Variants in BMPR1B observed in about 807,000 individuals in gnomAD.
BMPR1B encodes bone morphogenetic protein receptor type 1B.
A neutral mutation model predicts 59.1 loss-of-function variants in BMPR1B; 12 were observed. That is an observed-to-expected ratio of 0.20 (90% CI 0.13 to 0.33). The LOEUF is 0.33. BMPR1B is among the 10% of genes least tolerant of loss of function. The pLI is 1.00. For missense variants in BMPR1B, 550 were observed against 610.9 expected (o/e 0.90, Z 1.05); for synonymous variants, 237 against 207.3 (o/e 1.14, Z -1.23).
chr4:95,033,481 A>C (rs1230712345), intron 3 of BMPR1B, among the ~76,000 whole-genome samples: 1 of 152,110 alleles, frequency 6.6e-6, no homozygotes, highest in African/African-American at 2.4e-5. Flanking sequence ...GGTATAAGAT[A>C]AGTCTCCAAC....
intron 12 of BMPR1B, among the ~76,000 whole-genome samples, chr4:95,154,138 A>T (rs1387377923): frequency 6.6e-6 from 1 of 152,196 alleles, no homozygotes; most frequent in Admixed American, 6.5e-5. Flanking sequence ...GTGCAGTGTG[A>T]TGCTATTACT....
chr4:94,988,032 G>T (rs1470257956), intron 2 of BMPR1B, among the ~76,000 whole-genome samples: 1 of 152,084 alleles, frequency 6.6e-6, no homozygotes, highest in Non-Finnish European at 1.5e-5. Context: ...TGGAGTAATT[G>T]TAGAAATTTT....
intron 10 of BMPR1B, among the ~76,000 whole-genome samples, chr4:95,133,849 C>T (rs1176432153): frequency 6.6e-6 from 1 of 151,012 alleles, no homozygotes; most frequent in Admixed American, 6.6e-5. Flanking sequence ...GGATTATAGG[C>T]ATGAGCCACC....
intron 1 of BMPR1B, among the ~76,000 whole-genome samples, chr4:94,775,300 C>T (rs1722326629): frequency 1.3e-5 from 2 of 152,146 alleles, no homozygotes; most frequent in African/African-American, 4.8e-5. Context: ...ATGAGATTCT[C>T]CTACTAAAAC....
At chr4:94,869,140 A>T (rs1016959165) in intron 1 of BMPR1B, among the ~76,000 whole-genome samples, 3 of 136,902 alleles carry the variant, frequency 2.2e-5, no homozygotes, top group Non-Finnish European at 4.7e-5. Context: ...ACACACACAC[A>T]CACTTTGCTT....
At chr4:94,831,198 G>C (rs941638270) in intron 1 of BMPR1B, among the ~76,000 whole-genome samples, 1 of 119,966 alleles carries the variant, frequency 8.3e-6, no homozygotes, top group Non-Finnish European at 1.8e-5. Context: ...GCTAATGTGT[G>C]TGTGTCCTCG....
At chr4:94,961,797 CTTTTTA>C (rs1230207067) in intron 2 of BMPR1B, among the ~76,000 whole-genome samples, 3 of 152,012 alleles carry the variant, frequency 2.0e-5, no homozygotes, top group East Asian at 1.9e-4. Flanking sequence ...TACTTTAAAA[CTTTTTA>C]TTTTTAATTT....
At chr4:95,013,705 A>G (rs1390305800) in intron 3 of BMPR1B, among the ~76,000 whole-genome samples, 1 of 152,150 alleles carries the variant, frequency 6.6e-6, no homozygotes, top group African/African-American at 2.4e-5. Context: ...AATTGTTTGA[A>G]GTCATCAACC....
At chr4:94,965,756 A>G (rs1730531320) in intron 2 of BMPR1B, among the ~76,000 whole-genome samples, 1 of 147,260 alleles carries the variant, frequency 6.8e-6, no homozygotes, top group African/African-American at 2.7e-5. Context: ...TTAGACTGAA[A>G]GAGTAAATTG....
intron 1 of BMPR1B, among the ~76,000 whole-genome samples, chr4:94,773,146 G>T (rs759997818): frequency 2.0e-5 from 3 of 152,168 alleles, no homozygotes; most frequent in Non-Finnish European, 4.4e-5. Context: ...AAGTCAAGTA[G>T]TATGTTGAAA....
intron 1 of BMPR1B, among the ~76,000 whole-genome samples, chr4:94,812,178 C>T (rs1425515490): frequency 6.8e-6 from 1 of 147,722 alleles, no homozygotes; most frequent in East Asian, 2.0e-4. Flanking sequence ...AGTACCTAGT[C>T]CTCCAAAATT....
chr4:95,047,509 C>T (rs779639040), intron 3 of BMPR1B, among the ~76,000 whole-genome samples: 2 of 151,778 alleles, frequency 1.3e-5, no homozygotes, highest in Non-Finnish European at 2.9e-5. Context: ...ATCAGGGGTA[C>T]CTGCTATCAG....
intron 1 of BMPR1B, among the ~76,000 whole-genome samples, chr4:94,810,905 G>T (rs572313788): frequency 6.6e-6 from 1 of 152,196 alleles, no homozygotes. Context: ...ATGTGTGCGT[G>T]TGTGCATGTG....
At chr4:94,834,310 A>G (rs1202111318) in intron 1 of BMPR1B, among the ~76,000 whole-genome samples, 1 of 152,148 alleles carries the variant, frequency 6.6e-6, no homozygotes, top group Non-Finnish European at 1.5e-5. Flanking sequence ...GTTTGAGGGT[A>G]CAGATCACTT....
intron 2 of BMPR1B, among the ~76,000 whole-genome samples, chr4:94,911,317 A>G (rs1728264829): frequency 1.3e-5 from 2 of 152,296 alleles, no homozygotes; most frequent in East Asian, 3.9e-4. Context: ...AACTTTATCT[A>G]GAAGTCAATG....
chr4:94,921,438 C>T (rs967811124), intron 2 of BMPR1B, among the ~76,000 whole-genome samples: 1 of 152,028 alleles, frequency 6.6e-6, no homozygotes, highest in African/African-American at 2.4e-5. Flanking sequence ...GTAGCTCCAG[C>T]ATCTGCTTGG....
At chr4:94,944,154 A>G (rs1056751994) in intron 2 of BMPR1B, among the ~76,000 whole-genome samples, 1 of 152,138 alleles carries the variant, frequency 6.6e-6, no homozygotes, top group Admixed American at 6.5e-5. Flanking sequence ...CAACCCCAAG[A>G]TTTCTCATAT....
rs117360684 is a variant in BMPR1B, at chr4:94,936,380, T to G, written c.-112-59660T>G. Among the ~76,000 whole-genome samples the G allele has an allele frequency of 2.6e-4, 39 of 152,276 alleles. 3 individuals carry two copies. In the East Asian group the frequency reaches 7.5e-3, roughly 29 times the overall value. ...CAAATGGTGTAGTGGCCAAATAGGA[T>G]GAGTGACTGTAGACTATTTACTGCT... On this transcript the variant is annotated intron_variant, in intron 2 of 12. Coordinates refer to ENST00000515059, the MANE Select transcript of BMPR1B (RefSeq NM_001203.3).
chr4:94,949,844 T>C (rs1487550096), intron 2 of BMPR1B, among the ~76,000 whole-genome samples: 1 of 152,214 alleles, frequency 6.6e-6, no homozygotes, highest in African/African-American at 2.4e-5. Flanking sequence ...TTTCTAGTTT[T>C]AGATCCTTGA....
Sources: gnomAD v4.1 joint callset for allele counts (sites outside exome capture counted in the v4.1 genomes callset) on GRCh38, gnomAD v4.1.1 for gene constraint, MANE v1.5 for transcripts, NCBI Gene and HGNC (gene_info 2026-07-23, HGNC 2026-07-21) for gene names.